CNTN4: variants seen among roughly 807,000 people sequenced by gnomAD.
CNTN4 encodes the protein contactin-4.
Under a neutral mutation model 122.5 loss-of-function variants are expected in CNTN4, and 77 were observed. The ratio of observed to expected loss-of-function variants is 0.63; its 90% CI spans 0.52 to 0.76. The LOEUF is 0.76. Among genes scored for constraint, CNTN4 ranks in the 30% least tolerant of loss-of-function variants. The pLI, the probability that CNTN4 is intolerant of heterozygous loss-of-function variation, is 0.00. For synonymous variants in CNTN4, 512 were observed against 447.0 expected (o/e 1.15, Z -1.83); for missense variants, 1,256 against 1,259.1 (o/e 1.00, Z 0.04).
intron 4 of CNTN4, among the ~76,000 whole-genome samples, chr3:2,681,628 CT>C (rs67724074): frequency 0.075 from 11,434 of 152,026 alleles, 574 homozygotes; most frequent in African/African-American, 0.14. Context: ...ATGTGCACCC[CT>C]TACGTATGTA....
chr3:2,294,939 G>A (rs553172462), intron 2 of CNTN4, among the ~76,000 whole-genome samples: 2 of 151,378 alleles, frequency 1.3e-5, no homozygotes, highest in East Asian at 3.9e-4. Context: ...TCAGTTTTTT[G>A]TCCTTGTGAT....
At chr3:2,235,155 G>C (rs2039632862) in intron 2 of CNTN4, among the ~76,000 whole-genome samples, 1 of 152,134 alleles carries the variant, frequency 6.6e-6, no homozygotes, top group Non-Finnish European at 1.5e-5. Flanking sequence ...ATTTTTGCCT[G>C]TTCTATTTGT....
chr3:2,715,112 A>G (rs1455163281), intron 4 of CNTN4, among the ~76,000 whole-genome samples: 2 of 152,002 alleles, frequency 1.3e-5, no homozygotes, highest in Non-Finnish European at 1.5e-5. Flanking sequence ...TCCCTTTTAC[A>G]TTCTACTTGT....
chr3:2,417,257 G>A (rs1198665635), intron 3 of CNTN4, among the ~76,000 whole-genome samples: 3 of 152,224 alleles, frequency 2.0e-5, no homozygotes, highest in Non-Finnish European at 1.5e-5. Flanking sequence ...CTGCTGGACT[G>A]TATCATCGTA....
chr3:2,370,527 T>A (rs561455284), intron 3 of CNTN4, among the ~76,000 whole-genome samples: 1 of 152,310 alleles, frequency 6.6e-6, no homozygotes, highest in South Asian at 2.1e-4. Flanking sequence ...CTGATTTTGT[T>A]CCTGTTTGAT....
intron 12 of CNTN4, among the ~76,000 whole-genome samples, chr3:2,915,667 A>G (rs2094345783): frequency 6.6e-6 from 1 of 152,204 alleles, no homozygotes; most frequent in Non-Finnish European, 1.5e-5. Flanking sequence ...TAAAAATGGA[A>G]TTACCATATA....
rs777946573 is a variant in CNTN4 at position 2,736,215 on chromosome 3, A to T, written c.56A>T (p.Asp19Val). ...VLQSFILCLA[D>V]DSTLHGPIFI... Reference sequence around the variant, plus strand: ...TGGACATTTTCTCTTCTCATTTCAGATGATTCCACACTGCATGGCCCGATT... The same window carrying T: ...TGGACATTTTCTCTTCTCATTTCAGTTGATTCCACACTGCATGGCCCGATT... Residue 19 changes from aspartate to valine, a missense_variant and splice_region_variant, in exon 5 of 25, where the codon GAT becomes GTT. Physicochemically the swap from Asp to Val is radical, Grantham distance 152. Coordinates refer to ENST00000418658, the MANE Select transcript of CNTN4 (RefSeq NM_175607.3). 6.2e-6 allele frequency: 10 copies of T among 1,613,272 alleles called. No individual in the cohort carries two copies. The East Asian group carries it at 2.2e-4, about 36-fold the overall frequency.
intron 14 of CNTN4, among the ~76,000 whole-genome samples, chr3:2,992,059 G>A (rs1403295331): frequency 2.6e-5 from 4 of 152,082 alleles, no homozygotes; most frequent in Non-Finnish European, 2.9e-5. Context: ...CCCATGTTTC[G>A]GAGAGAGGCT....
intron 3 of CNTN4, among the ~76,000 whole-genome samples, chr3:2,509,283 A>G (rs947455541): frequency 6.6e-6 from 1 of 152,190 alleles, no homozygotes; most frequent in East Asian, 1.9e-4. Flanking sequence ...AAGTCTCAAT[A>G]ATAATGAGCC....
intron 3 of CNTN4, among the ~76,000 whole-genome samples, chr3:2,540,378 G>A (rs2077985169): frequency 6.6e-6 from 1 of 151,984 alleles, no homozygotes; most frequent in Admixed American, 6.6e-5. Context: ...TCGTGGGCAT[G>A]GAGTGTTAAT....
intron 2 of CNTN4, among the ~76,000 whole-genome samples, chr3:2,307,600 T>C (rs912428117): frequency 7.0e-6 from 1 of 143,124 alleles, no homozygotes; most frequent in Non-Finnish European, 1.5e-5. Flanking sequence ...TTTTCCTTTC[T>C]AGTTCCTTGA....
intron 6 of CNTN4, among the ~76,000 whole-genome samples, chr3:2,817,500 G>C (rs950127449): frequency 1.3e-5 from 2 of 152,146 alleles, no homozygotes; most frequent in Admixed American, 1.3e-4. Flanking sequence ...CACTTCAAAT[G>C]CCTAAAACTT....
Position 2,632,334 on chromosome 3 carries a change from C to T in CNTN4, c.55+60776C>T, listed in dbSNP as rs771710918. 5.9e-4 allele frequency among the ~76,000 whole-genome samples: 90 copies of T among 152,118 alleles called. 1 individual carries two copies. Among genetic ancestry groups the T allele is most frequent in the South Asian group, 4.1e-4 (2 of 4,828 alleles). ...TGTTGGAGACTGACATATGACATTT[C>T]GGTAAACCCAACACTTCTGATTTTC... On this transcript the variant is annotated intron_variant, in intron 4 of 24. Coordinates refer to ENST00000418658, the MANE Select transcript of CNTN4 (RefSeq NM_175607.3).
At chr3:2,269,872 C>G (rs928048852) in intron 2 of CNTN4, among the ~76,000 whole-genome samples, 1 of 152,050 alleles carries the variant, frequency 6.6e-6, no homozygotes, top group African/African-American at 2.4e-5. Flanking sequence ...TTGCCACCAC[C>G]CCCCGCCCAT....
intron 3 of CNTN4, among the ~76,000 whole-genome samples, chr3:2,514,800 T>C (rs1397535692): frequency 6.6e-6 from 1 of 152,144 alleles, no homozygotes. Flanking sequence ...TCAAATTGCC[T>C]AGGGACAGGG....
chr3:2,646,118 AAG>A (rs2083106764), intron 4 of CNTN4, among the ~76,000 whole-genome samples: 1 of 152,178 alleles, frequency 6.6e-6, no homozygotes, highest in Admixed American at 6.5e-5. Flanking sequence ...TTAAAACCAA[AAG>A]AGAAAAATAT....
intron 2 of CNTN4, among the ~76,000 whole-genome samples, chr3:2,222,969 C>T (rs367871481): frequency 4.6e-5 from 7 of 152,326 alleles, no homozygotes; most frequent in South Asian, 2.1e-4. Context: ...AAGCCCACCA[C>T]GATGACTTAA....
chr3:2,981,170 C>T (rs541388910), intron 13 of CNTN4, among the ~76,000 whole-genome samples: 1 of 152,240 alleles, frequency 6.6e-6, no homozygotes, highest in African/African-American at 2.4e-5. Flanking sequence ...CTGGGCCGGG[C>T]GCGGTGGCTC....
At chr3:2,360,803 G>T (rs2045102565) in intron 3 of CNTN4, among the ~76,000 whole-genome samples, 1 of 152,070 alleles carries the variant, frequency 6.6e-6, no homozygotes, top group African/African-American at 2.4e-5. Flanking sequence ...CCTTCACCTG[G>T]TCTCTCCCAT....
Sources: allele counts gnomAD v4.1 joint callset (sites outside exome capture counted in the v4.1 genomes callset), GRCh38; gene constraint gnomAD v4.1.1; transcripts MANE v1.5; gene names NCBI Gene and HGNC (gene_info 2026-07-23, HGNC 2026-07-21).